CLVS1: variants seen among roughly 807,000 people sequenced by gnomAD.
CLVS1 encodes clavesin 1, also known as clavesin-1.
A neutral mutation model predicts 33.1 loss-of-function variants in CLVS1; 10 were observed. That is an observed-to-expected ratio of 0.30 (90% CI 0.19 to 0.51). The LOEUF is 0.51. Ranked by LOEUF, CLVS1 falls within the 20% of genes least tolerant of loss-of-function variation. CLVS1 has a pLI of 0.97. For synonymous variants in CLVS1, 163 were observed against 166.1 expected, an observed-to-expected ratio of 0.98 and a Z score of 0.14; for missense variants, 343 against 433.4, an observed-to-expected ratio of 0.79 and a Z score of 1.85.
chr8:61,234,745 G>A (rs1261136565), intron 2 of CLVS1, among the ~76,000 whole-genome samples: 1 of 152,142 alleles, frequency 6.6e-6, no homozygotes, highest in Admixed American at 6.5e-5. Flanking sequence ...ACTATCCTTT[G>A]TGTGGCACTA....
the CLVS1 span, among the ~76,000 whole-genome samples, chr8:61,033,039 A>T: frequency 2.1e-4 from 24 of 112,610 alleles, no homozygotes; most frequent in African/African-American, 7.1e-4. Flanking sequence ...GAAAGAAAGA[A>T]AGAAAGAAAA....
chr8:61,241,446 A>G (rs1035459538), intron 2 of CLVS1, among the ~76,000 whole-genome samples: 4 of 151,960 alleles, frequency 2.6e-5, no homozygotes, highest in Non-Finnish European at 5.9e-5. Flanking sequence ...TTTTTTAATG[A>G]TTGCTTTGGG....
the CLVS1 span, among the ~76,000 whole-genome samples, chr8:61,035,965 T>C: frequency 2.0e-5 from 3 of 152,204 alleles, no homozygotes; most frequent in African/African-American, 7.2e-5. Context: ...GTTGATACTG[T>C]TCAGGCACAG....
At chr8:61,277,058 G>T (rs1809572583) in intron 2 of CLVS1, among the ~76,000 whole-genome samples, 1 of 152,024 alleles carries the variant, frequency 6.6e-6, no homozygotes, top group Non-Finnish European at 1.5e-5. Flanking sequence ...TATAGCTTTT[G>T]ACCTACTCAG....
intron 2 of CLVS1, among the ~76,000 whole-genome samples, chr8:61,226,980 G>GTTTTTTTTT (rs55718731): frequency 8.5e-4 from 113 of 132,304 alleles, no homozygotes; most frequent in Admixed American, 2.5e-3. Flanking sequence ...ACGAAAACAT[G>GTTTTTTTTT]TTTTTTTTTT....
the CLVS1 span, among the ~76,000 whole-genome samples, chr8:61,048,671 T>C: frequency 1.3e-5 from 2 of 152,260 alleles, no homozygotes; most frequent in East Asian, 1.9e-4. Context: ...ACCTTTTGCA[T>C]CAAGCAGTGG....
chr8:61,193,098 T>C (rs1373482578), intron 2 of CLVS1, among the ~76,000 whole-genome samples: 11 of 152,120 alleles, frequency 7.2e-5, no homozygotes, highest in Admixed American at 5.2e-4. Context: ...CTATTCACAA[T>C]AGCAAAGACT....
intron 1 of CLVS1, among the ~76,000 whole-genome samples, chr8:61,128,575 A>C (rs1806022653): frequency 6.6e-6 from 1 of 152,172 alleles, no homozygotes; most frequent in African/African-American, 2.4e-5. Flanking sequence ...GGTCCAGGGG[A>C]GAGCAGGACA....
At chr8:61,200,489 C>G (rs1271473479) in intron 2 of CLVS1, among the ~76,000 whole-genome samples, 2 of 152,190 alleles carry the variant, frequency 1.3e-5, no homozygotes, top group Non-Finnish European at 2.9e-5. Flanking sequence ...TATATGTACT[C>G]TGTTTTCTAT....
intron 2 of CLVS1, among the ~76,000 whole-genome samples, chr8:61,188,541 A>T (rs1020875906): frequency 1.3e-5 from 2 of 152,168 alleles, no homozygotes; most frequent in African/African-American, 4.8e-5. Context: ...ATTATTCTTA[A>T]ACAAATTAGA....
chr8:61,175,275 G>C (rs1203157708), intron 2 of CLVS1, among the ~76,000 whole-genome samples: 3 of 152,170 alleles, frequency 2.0e-5, no homozygotes. Context: ...AATGGGATTA[G>C]TGCCCTTATA....
chr8:61,076,838 C>G (rs1804920632), intron 1 of CLVS1, among the ~76,000 whole-genome samples: 1 of 152,128 alleles, frequency 6.6e-6, no homozygotes, highest in Non-Finnish European at 1.5e-5. Context: ...GTCCCTACAC[C>G]AAAGGCCAGA....
chr8:61,228,661 G>T (rs1394569536), intron 2 of CLVS1, among the ~76,000 whole-genome samples: 2 of 152,082 alleles, frequency 1.3e-5, no homozygotes, highest in East Asian at 3.9e-4. Flanking sequence ...GTCTTTCTCT[G>T]CCTGGCTTAT....
At chr8:61,260,982 T>C (rs1332424200) in intron 2 of CLVS1, among the ~76,000 whole-genome samples, 2 of 152,246 alleles carry the variant, frequency 1.3e-5, no homozygotes, top group African/African-American at 4.8e-5. Context: ...CCCTTGAAAT[T>C]TGGATTCAGT....
the CLVS1 span, among the ~76,000 whole-genome samples, chr8:61,034,338 A>G: frequency 1.4e-4 from 22 of 151,820 alleles, no homozygotes; most frequent in Non-Finnish European, 7.4e-5. Context: ...AAATCAAGCT[A>G]ATTAACATGT....
At chr8:61,314,286 G>A (rs934527741) in intron 2 of CLVS1, among the ~76,000 whole-genome samples, 5 of 152,084 alleles carry the variant, frequency 3.3e-5, no homozygotes, top group Non-Finnish European at 7.3e-5. Context: ...ATCTTGATTA[G>A]TATATCACAC....
At chr8:61,351,338 C>T (rs1434454778) in intron 2 of CLVS1, among the ~76,000 whole-genome samples, 2 of 151,822 alleles carry the variant, frequency 1.3e-5, no homozygotes, top group African/African-American at 2.4e-5. Flanking sequence ...AGAGTGGAGA[C>T]AAAAATGATA....
At chr8:61,439,602 T>A (rs1228945094) in intron 3 of CLVS1, among the ~76,000 whole-genome samples, 1 of 152,200 alleles carries the variant, frequency 6.6e-6, no homozygotes, top group African/African-American at 2.4e-5. Context: ...AAGCAGAAAG[T>A]AAAAGAAGCA....
chr8:61,380,003 C>G (rs527836022), intron 3 of CLVS1, among the ~76,000 whole-genome samples: 3 of 152,186 alleles, frequency 2.0e-5, no homozygotes, highest in Non-Finnish European at 4.4e-5. Context: ...GGCTGGGCAG[C>G]ATATCAGAGC....
Sources: gnomAD v4.1 joint callset for allele counts (sites outside exome capture counted in the v4.1 genomes callset) on GRCh38, gnomAD v4.1.1 for gene constraint, MANE v1.5 for transcripts, NCBI Gene and HGNC (gene_info 2026-07-23, HGNC 2026-07-21) for gene names.